The following DEFB110 variants were observed in gnomAD, a reference collection of about 807,000 sequenced individuals.
DEFB110 encodes the protein defensin beta 110, also known as beta-defensin 110.
A neutral mutation model predicts 2.5 loss-of-function variants in DEFB110; 4 were observed. The ratio of observed to expected loss-of-function variants is 1.60; its 90% CI spans 0.79 to 3.66. The LOEUF (loss-of-function observed/expected upper bound fraction) is 3.66. DEFB110 is among the 30% of genes most tolerant of loss of function. The probability of loss-of-function intolerance (pLI) is 0.01; values close to 1 mark genes in which losing one functional copy is unlikely to be tolerated. For synonymous variants in DEFB110, 29 were observed against 21.8 expected (o/e 1.33, Z -0.92); for missense variants, 94 against 75.4 (o/e 1.25, Z -0.91).
At chr6:50,018,150 C>A (rs1474838332), downstream of DEFB110, among the ~76,000 whole-genome samples, 1 of 151,892 alleles carries the variant, frequency 6.6e-6, no homozygotes, top group Non-Finnish European at 1.5e-5. Flanking sequence ...AATACTGTGG[C>A]TCCTCAGAGG....
intron 1 of DEFB110, among the ~76,000 whole-genome samples, chr6:50,010,269 A>G (rs1231562081): frequency 1.3e-5 from 2 of 151,998 alleles, no homozygotes; most frequent in Non-Finnish European, 2.9e-5. Flanking sequence ...TTGAATTCAG[A>G]TTTAAATTAT....
At chr6:50,021,405 G>A (rs755813500) in intron 1 of DEFB110, among the ~76,000 whole-genome samples, 4 of 152,044 alleles carry the variant, frequency 2.6e-5, no homozygotes, top group South Asian at 4.2e-4. Context: ...GTGATACTTC[G>A]ATATTTCAAT....
At chr6:50,009,200 A>G (rs1233969281) in exon 2 of DEFB110, 1 of 1,610,818 alleles carries the variant, frequency 6.2e-7, no homozygotes, top group South Asian at 1.1e-5. Context: ...ACATCATCAC[A>G]AAACGTTTTA....
intron 1 of DEFB110, among the ~76,000 whole-genome samples, chr6:50,012,916 G>A (rs949005659): frequency 7.3e-5 from 11 of 151,656 alleles, no homozygotes; most frequent in South Asian, 2.1e-4. Context: ...ACTTTTAAAG[G>A]CAATTCTGAG....
chr6:50,010,016 T>C (rs941534825), intron 1 of DEFB110, among the ~76,000 whole-genome samples: 47 of 152,090 alleles, frequency 3.1e-4, no homozygotes, highest in Non-Finnish European at 4.1e-4. Context: ...GTGATACAAC[T>C]GTACTCTGAA....
At chr6:50,017,053 A>T (rs650691), downstream of DEFB110, among the ~76,000 whole-genome samples, 1 of 151,618 alleles carries the variant, frequency 6.6e-6, no homozygotes, top group Non-Finnish European at 1.5e-5. Context: ...CTCAATTCTG[A>T]TTTAGATGTC....
intron 1 of DEFB110, chr6:50,009,303 G>C: frequency 6.4e-7 from 1 of 1,565,360 alleles, no homozygotes; most frequent in East Asian, 2.3e-5. Flanking sequence ...AAAGTTATTA[G>C]TCTATTATTG....
downstream of DEFB110, among the ~76,000 whole-genome samples, chr6:50,014,482 A>G (rs1217467061): frequency 1.3e-5 from 2 of 151,858 alleles, no homozygotes; most frequent in East Asian, 3.9e-4. Context: ...TTAGAACCAT[A>G]TAAGGTTGGT....
At position 50,021,971 on chromosome 6, in the gene DEFB110, C is replaced by A; in HGVS notation, c.-36G>T. On this transcript the variant is annotated 5_prime_UTR_variant, in exon 1 of 2. The change creates a new upstream start codon in the 5' untranslated region. Transcript: ENST00000371148. ...TTCTTAAAAAAAGGGGGCAACAGAC[C>A]TCCTTTTTCAAGTCAGTTGTTTTGA... The A allele has an allele frequency of 6.7e-7, 1 of 1,502,510 alleles. No homozygotes were observed. The highest frequency in any genetic ancestry group is 2.5e-5 in the East Asian group (1 of 40,362). 93.1% of individuals were successfully genotyped at this position (1,502,510 alleles called of 1,614,324 possible). A position where few individuals can be genotyped will look rare whatever the true frequency, so the allele number is the denominator to read the frequency against.
intron 1 of DEFB110, chr6:50,009,304 T>C (rs749187379): frequency 9.6e-6 from 15 of 1,566,970 alleles, no homozygotes; most frequent in African/African-American, 1.4e-5. Flanking sequence ...AAGTTATTAG[T>C]CTATTATTGA....
Position 50,019,112 on chromosome 6 carries a change from A to G in DEFB110, c.69T>C (p.Tyr23=). 2 of 1,611,874 alleles carry G rather than the reference A, an allele frequency of 1.2e-6. No individual in the cohort carries two copies. The highest frequency in any genetic ancestry group is 1.7e-6 in the Non-Finnish European group (2 of 1,178,948). The change falls in exon 2 of 2, where the codon TAT becomes TAC. Residue 23 remains tyrosine (Y), a synonymous_variant. Coordinates refer to ENST00000371148, the MANE Select transcript of DEFB110 (RefSeq NM_001037497.2). ...WVTILPAKKK[Y]PEYGSLDLRR... Reference sequence around the variant, plus strand: ...TCAAGTCCAAGCTACCATACTCAGGATATTTCTTTTTGGCTGTAAGAAGGG... The same window carrying G: ...TCAAGTCCAAGCTACCATACTCAGGGTATTTCTTTTTGGCTGTAAGAAGGG...
In DEFB110 at chr6:50,018,856, A is replaced by T; in HGVS notation, c.*121T>A. 7.0e-7 allele frequency: 1 copy of T among 1,436,188 alleles called. No individual in the cohort carries two copies. The highest frequency in any genetic ancestry group is 9.1e-7 in the Non-Finnish European group (1 of 1,101,192). The allele number at this position is 1,436,188 out of a possible 1,614,324, so 89.0% of individuals were successfully genotyped here. A position where few individuals can be genotyped will look rare whatever the true frequency, so the allele number is the denominator to read the frequency against. ...TATGATCACTTCTGAATGGTTCAAC[A>T]TTAATTTTTATTTAGTTCTTGTGTA... On this transcript the variant is annotated 3_prime_UTR_variant, in exon 2 of 2. Transcript: ENST00000371148.
chr6:50,020,218 T>C (rs1774394989), intron 1 of DEFB110, among the ~76,000 whole-genome samples: 1 of 151,970 alleles, frequency 6.6e-6, no homozygotes, highest in Non-Finnish European at 1.5e-5. Context: ...AGAAAAGATA[T>C]GTTTTTTTTT....
At chr6:50,021,587 A>T (rs1055046507) in intron 1 of DEFB110, among the ~76,000 whole-genome samples, 1 of 152,188 alleles carries the variant, frequency 6.6e-6, no homozygotes, top group African/African-American at 2.4e-5. Flanking sequence ...GCCAGCTTCC[A>T]CTTATGTTAT....
chr6:50,019,821 CT>C (rs1386263070), intron 1 of DEFB110, among the ~76,000 whole-genome samples: 2 of 151,854 alleles, frequency 1.3e-5, no homozygotes, highest in African/African-American at 4.8e-5. Context: ...ACTATTAAAC[CT>C]TTTGACTAGG....
intron 1 of DEFB110, among the ~76,000 whole-genome samples, chr6:50,020,607 T>C (rs1165900537): frequency 6.6e-6 from 1 of 152,214 alleles, no homozygotes; most frequent in Admixed American, 6.5e-5. Flanking sequence ...TTCCAACAGC[T>C]GACACCTGAT....
chr6:50,018,189 A>T (rs1023222236), downstream of DEFB110, among the ~76,000 whole-genome samples: 1 of 151,912 alleles, frequency 6.6e-6, no homozygotes, highest in East Asian at 1.9e-4. Context: ...GGCAGAGTGA[A>T]ATTGAAAAGT....
At chr6:50,018,531 C>T (rs1056331059), downstream of DEFB110, among the ~76,000 whole-genome samples, 3 of 151,966 alleles carry the variant, frequency 2.0e-5, no homozygotes, top group African/African-American at 7.2e-5. Context: ...GTCCAGTCTC[C>T]CAAGCCCAGT....
chr6:50,018,811 C>T, downstream of DEFB110: 1 of 1,302,690 alleles, frequency 7.7e-7, no homozygotes, highest in Non-Finnish European at 9.7e-7. Context: ...AATGGAAAGG[C>T]ACCAGACATG....
Sources: gnomAD v4.1 joint callset for allele counts (sites outside exome capture counted in the v4.1 genomes callset) on GRCh38, gnomAD v4.1.1 for gene constraint, MANE v1.5 for transcripts, NCBI Gene and HGNC (gene_info 2026-07-23, HGNC 2026-07-21) for gene names.